Variants in CDH12 observed in about 807,000 individuals in gnomAD.
CDH12 encodes the protein cadherin 12.
A neutral mutation model predicts 74.1 loss-of-function variants in CDH12; 41 were observed. The ratio of observed to expected loss-of-function variants is 0.55; its 90% CI spans 0.43 to 0.72. The LOEUF (loss-of-function observed/expected upper bound fraction) is 0.72. CDH12 is among the 30% of genes least tolerant of loss of function. The probability of loss-of-function intolerance (pLI) is 0.00; values close to 1 mark genes in which losing one functional copy is unlikely to be tolerated. For synonymous variants in CDH12, 399 were observed against 355.0 expected, an observed-to-expected ratio of 1.12 and a Z score of -1.39; for missense variants, 945 against 977.2, an observed-to-expected ratio of 0.97 and a Z score of 0.44.
At chr5:22,697,571 C>CAAAAAAA (rs397997008) in intron 1 of CDH12, among the ~76,000 whole-genome samples, 1 of 102,268 alleles carries the variant, frequency 9.8e-6, no homozygotes, top group Non-Finnish European at 1.9e-5. Flanking sequence ...GACTCTGTCT[C>CAAAAAAA]AAAAAAAAAA....
chr5:22,616,235 C>G (rs1465964996), intron 1 of CDH12, among the ~76,000 whole-genome samples: 1 of 151,820 alleles, frequency 6.6e-6, no homozygotes, highest in African/African-American at 2.4e-5. Context: ...GGAGACATAG[C>G]AAAAAATGTA....
At chr5:22,460,713 A>AT (rs3039460) in intron 2 of CDH12, among the ~76,000 whole-genome samples, 22,976 of 84,938 alleles carry the variant, frequency 0.27, 4,081 homozygotes, top group African/African-American at 0.3. Flanking sequence ...ATATCTAGCA[A>AT]TTTTTTTTTT....
At chr5:22,772,274 T>A (rs1561020011) in intron 1 of CDH12, among the ~76,000 whole-genome samples, 1 of 152,174 alleles carries the variant, frequency 6.6e-6, no homozygotes, top group South Asian at 2.1e-4. Flanking sequence ...ACAAAGTCCA[T>A]GAGTCACGTG....
At chr5:22,551,692 A>T (rs1420935408) in intron 1 of CDH12, among the ~76,000 whole-genome samples, 1 of 152,102 alleles carries the variant, frequency 6.6e-6, no homozygotes, top group African/African-American at 2.4e-5. Context: ...TCTAAAGGTT[A>T]AATGCCTATG....
intron 1 of CDH12, among the ~76,000 whole-genome samples, chr5:22,516,283 T>C (rs114287940): frequency 0.018 from 2,757 of 152,304 alleles, 84 homozygotes; most frequent in African/African-American, 0.063. Flanking sequence ...TAAATAATTC[T>C]AATTACAGAT....
intron 1 of CDH12, among the ~76,000 whole-genome samples, chr5:22,700,099 A>G (rs759266162): frequency 6.6e-5 from 10 of 152,084 alleles, no homozygotes; most frequent in Non-Finnish European, 1.3e-4. Context: ...CCCAGGAGGC[A>G]GAGGTTGCAA....
At chr5:21,874,958 C>T (rs2150024023) in intron 6 of CDH12, among the ~76,000 whole-genome samples, 1 of 152,304 alleles carries the variant, frequency 6.6e-6, no homozygotes, top group South Asian at 2.1e-4. Flanking sequence ...TTGCCGCCAT[C>T]TTGGAAGTGG....
chr5:21,879,085 A>T (rs371796426), intron 6 of CDH12, among the ~76,000 whole-genome samples: 1 of 152,130 alleles, frequency 6.6e-6, no homozygotes, highest in Non-Finnish European at 1.5e-5. Context: ...ATGCTATCAA[A>T]TTTTTACTTC....
intron 1 of CDH12, among the ~76,000 whole-genome samples, chr5:22,760,562 C>T (rs1452412515): frequency 6.6e-6 from 1 of 151,148 alleles, no homozygotes; most frequent in Non-Finnish European, 1.5e-5. Flanking sequence ...GCCTGTAATC[C>T]CAGCTACTTG....
chr5:22,850,908 A>C (rs572403101), intron 1 of CDH12, among the ~76,000 whole-genome samples: 5 of 152,266 alleles, frequency 3.3e-5, no homozygotes, highest in African/African-American at 1.2e-4. Flanking sequence ...TTAAGAGGCA[A>C]GAGTGACATA....
At chr5:22,330,020 G>A (rs1490021595) in intron 3 of CDH12, among the ~76,000 whole-genome samples, 1 of 152,204 alleles carries the variant, frequency 6.6e-6, no homozygotes, top group Non-Finnish European at 1.5e-5. Flanking sequence ...GACACCAGCT[G>A]TGGGGCTAAA....
chr5:22,069,887 A>C (rs1741825219), intron 5 of CDH12, among the ~76,000 whole-genome samples: 1 of 152,198 alleles, frequency 6.6e-6, no homozygotes, highest in Non-Finnish European at 1.5e-5. Context: ...GGTCTAGATC[A>C]GACCCTTCAG....
intron 9 of CDH12, among the ~76,000 whole-genome samples, chr5:21,809,849 A>G (rs1747651195): frequency 6.6e-6 from 1 of 152,094 alleles, no homozygotes. Flanking sequence ...CAATATGAGA[A>G]CCTTGTAAGT....
intron 1 of CDH12, among the ~76,000 whole-genome samples, chr5:22,583,539 G>T (rs1176948018): frequency 6.6e-6 from 1 of 152,134 alleles, no homozygotes; most frequent in Non-Finnish European, 1.5e-5. Flanking sequence ...TTAATGGAAG[G>T]AAACCGTCTT....
intron 2 of CDH12, among the ~76,000 whole-genome samples, chr5:22,435,680 GA>G (rs995581045): frequency 9.2e-5 from 14 of 151,858 alleles, no homozygotes; most frequent in African/African-American, 3.1e-4. Context: ...CACGAGATTC[GA>G]AATTACGGTT....
intron 5 of CDH12, among the ~76,000 whole-genome samples, chr5:22,014,567 G>A (rs1737490699): frequency 6.6e-6 from 1 of 152,034 alleles, no homozygotes; most frequent in South Asian, 2.1e-4. Context: ...GGAATAATTG[G>A]TTCATTTAGG....
At chr5:21,914,444 G>A (rs1753998631) in intron 6 of CDH12, among the ~76,000 whole-genome samples, 1 of 152,070 alleles carries the variant, frequency 6.6e-6, no homozygotes, top group Non-Finnish European at 1.5e-5. Flanking sequence ...CAAGTCATAT[G>A]TATCCTGTAT....
intron 3 of CDH12, among the ~76,000 whole-genome samples, chr5:22,258,695 T>C (rs140934187): frequency 2.6e-5 from 4 of 152,300 alleles, no homozygotes; most frequent in African/African-American, 9.6e-5. Flanking sequence ...ATATATTTAC[T>C]GTATCTTCTC....
intron 1 of CDH12, among the ~76,000 whole-genome samples, chr5:22,782,934 T>A (rs949807861): frequency 2.0e-5 from 3 of 152,168 alleles, no homozygotes; most frequent in African/African-American, 7.2e-5. Flanking sequence ...TACTTCCTGC[T>A]AGCAACATTC....
Sources: allele counts gnomAD v4.1 joint callset (sites outside exome capture counted in the v4.1 genomes callset), GRCh38; gene constraint gnomAD v4.1.1; transcripts MANE v1.5; gene names NCBI Gene and HGNC (gene_info 2026-07-23, HGNC 2026-07-21).